Variants in RAB3C observed in about 807,000 individuals in gnomAD.
The protein encoded by RAB3C is RAB3C, member RAS oncogene family, also known as ras-related protein Rab-3C.
RAB3C carries 17 observed loss-of-function variants against 26.4 expected under a neutral mutation model. The observed-to-expected ratio is 0.64, with a 90% CI of 0.44 to 0.97. RAB3C has a LOEUF of 0.97. RAB3C is among the 50% of genes least tolerant of loss of function. The pLI is 0.00. For missense variants in RAB3C, 242 were observed against 281.9 expected, an observed-to-expected ratio of 0.86 and a Z score of 1.01; for synonymous variants, 91 against 95.9, an observed-to-expected ratio of 0.95 and a Z score of 0.30.
chr5:58,693,347 T>TATATATAC (rs1554048076), intron 2 of RAB3C, among the ~76,000 whole-genome samples: 18 of 137,830 alleles, frequency 1.3e-4, no homozygotes, highest in African/African-American at 5.3e-4. Context: ...TATATATATA[T>TATATATAC]ATATATATAT....
intron 2 of RAB3C, among the ~76,000 whole-genome samples, chr5:58,652,671 G>A: frequency 6.8e-6 from 1 of 146,004 alleles, no homozygotes; most frequent in African/African-American, 2.5e-5. Context: ...TATATATTTA[G>A]ATGTTTAGGG....
chr5:58,703,381 C>T (rs60249398), intron 2 of RAB3C, among the ~76,000 whole-genome samples: 3,501 of 152,102 alleles, frequency 0.023, 138 homozygotes, highest in African/African-American at 0.08. Context: ...GGGGTTTCTC[C>T]GTGTTAGTGA....
intron 3 of RAB3C, among the ~76,000 whole-genome samples, chr5:58,765,815 C>G (rs1237238120): frequency 6.6e-6 from 1 of 152,076 alleles, no homozygotes; most frequent in East Asian, 1.9e-4. Context: ...AAATTATAAT[C>G]CCCAGAGTTA....
intron 2 of RAB3C, among the ~76,000 whole-genome samples, chr5:58,651,672 A>C (rs1232097043): frequency 1.3e-5 from 2 of 152,238 alleles, no homozygotes. Flanking sequence ...ATCGTTTAGC[A>C]CCTATTTTGT....
At chr5:58,591,595 T>TAC (rs1746128268) in intron 1 of RAB3C, among the ~76,000 whole-genome samples, 1 of 148,120 alleles carries the variant, frequency 6.8e-6, no homozygotes, top group Non-Finnish European at 1.5e-5. Flanking sequence ...AGTATATATA[T>TAC]ATATATATAT....
chr5:58,636,916 A>C (rs1747301841), intron 2 of RAB3C, among the ~76,000 whole-genome samples: 1 of 152,304 alleles, frequency 6.6e-6, no homozygotes, highest in Non-Finnish European at 1.5e-5. Flanking sequence ...ACATCACATA[A>C]AAAATTTTGG....
rs537693965 is a variant in RAB3C at position 58,694,101 on chromosome 5, C to A, written c.253-31901C>A. Among the ~76,000 whole-genome samples the A allele has an allele frequency of 2.0e-4, 31 of 152,254 alleles. No individual in the cohort carries two copies. The South Asian group carries it at 5.2e-3, about 25-fold the overall frequency. On this transcript the variant is annotated intron_variant, in intron 2 of 4. Transcript: ENST00000282878. ...TCCCCCAGCCCCTCCACCCCCACAA[C>A]AGGCCCTGGTGTGTGATGTTCCCTG...
intron 2 of RAB3C, among the ~76,000 whole-genome samples, chr5:58,713,544 C>T (rs1284107532): frequency 6.6e-6 from 1 of 152,146 alleles, no homozygotes; most frequent in Admixed American, 6.5e-5. Context: ...GAGAAATATT[C>T]TTATTTTAGA....
At chr5:58,639,918 T>A (rs1211935417) in intron 2 of RAB3C, among the ~76,000 whole-genome samples, 1 of 152,212 alleles carries the variant, frequency 6.6e-6, no homozygotes. Flanking sequence ...TACCCTTCCT[T>A]CCCCAGTGAT....
At position 58,858,003 on chromosome 5, in the gene RAB3C, G is replaced by A. The variant is rs1273756233; in HGVS notation, c.*6652G>A. On this transcript the variant is annotated 3_prime_UTR_variant, in exon 5 of 5. Coordinates refer to ENST00000282878, the MANE Select transcript of RAB3C (RefSeq NM_138453.4). Reference sequence around the variant, plus strand: ...TGTACTTTGCCTTTTCATTCAGTTAGTGGAGTAAGTCATGAAACCCTTAGG... The same window carrying A: ...TGTACTTTGCCTTTTCATTCAGTTAATGGAGTAAGTCATGAAACCCTTAGG... 2 of 152,168 alleles carry A rather than the reference G, an allele frequency of 1.3e-5. No homozygotes were observed. The highest frequency in any genetic ancestry group is 2.9e-5 in the Non-Finnish European group (2 of 68,028). The allele number at this position is 152,168 out of a possible 1,614,324, so 9.4% of individuals were successfully genotyped here.
chr5:58,737,854 C>G (rs1396547735), intron 3 of RAB3C, among the ~76,000 whole-genome samples: 1 of 151,904 alleles, frequency 6.6e-6, no homozygotes, highest in Non-Finnish European at 1.5e-5. Flanking sequence ...GACTCTTCTT[C>G]CCAGTAAGGT....
At chr5:58,608,599 ATTAAT>A (rs749175869) in intron 1 of RAB3C, among the ~76,000 whole-genome samples, 1 of 152,234 alleles carries the variant, frequency 6.6e-6, no homozygotes, top group Non-Finnish European at 1.5e-5. Flanking sequence ...GGGAGTGTAA[ATTAAT>A]TTAACCATTG....
chr5:58,617,652 G>A lies in RAB3C; in HGVS notation c.34G>A (p.Ala12Thr). 6.2e-7 allele frequency: 1 copy of A among 1,612,496 alleles called. No homozygotes were observed. Among genetic ancestry groups the A allele is most frequent in the Non-Finnish European group, 8.5e-7 (1 of 1,178,692 alleles). The change falls in exon 2 of 5, where the codon GCC becomes ACC. Residue 12 changes from alanine (A) to threonine (T), a missense_variant. Transcript: ENST00000282878. ...RHEAPMQMAS[A>T]QDARYGQKDS... ...TTTGTTTTTATCACAGATGGCCTCT[G>A]CCCAAGATGCCAGGTACGGCCAGAA...
chr5:58,594,693 A>G (rs1561259044), intron 1 of RAB3C, among the ~76,000 whole-genome samples: 1 of 152,136 alleles, frequency 6.6e-6, no homozygotes, highest in Non-Finnish European at 1.5e-5. Context: ...GAGGCAAGAT[A>G]TCAAGATCTA....
intron 2 of RAB3C, among the ~76,000 whole-genome samples, chr5:58,702,788 C>T (rs1748874204): frequency 6.6e-6 from 1 of 152,084 alleles, no homozygotes; most frequent in African/African-American, 2.4e-5. Context: ...AAAGCTAAAC[C>T]TACCTCTAAA....
At chr5:58,727,214 T>A (rs950399482) in intron 3 of RAB3C, among the ~76,000 whole-genome samples, 3 of 151,928 alleles carry the variant, frequency 2.0e-5, no homozygotes, top group Non-Finnish European at 4.4e-5. Context: ...TAAAAATATT[T>A]CCATTTGCTT....
chr5:58,594,851 C>CTTTTT (rs368470766), intron 1 of RAB3C, among the ~76,000 whole-genome samples: 1 of 133,216 alleles, frequency 7.5e-6, no homozygotes, highest in Non-Finnish European at 1.6e-5. Context: ...AACATGTAGG[C>CTTTTT]TTTTTTTTTT....
chr5:58,677,736 A>G (rs1304988389), intron 2 of RAB3C, among the ~76,000 whole-genome samples: 1 of 152,216 alleles, frequency 6.6e-6, no homozygotes, highest in African/African-American at 2.4e-5. Context: ...GCGGCTATCT[A>G]GAAATTTGAT....
At chr5:58,706,519 T>C (rs1484638213) in intron 2 of RAB3C, among the ~76,000 whole-genome samples, 1 of 152,218 alleles carries the variant, frequency 6.6e-6, no homozygotes, top group Non-Finnish European at 1.5e-5. Flanking sequence ...GAAGTTTTCA[T>C]CTAGGATTAA....
Sources: gnomAD v4.1 joint callset for allele counts (sites outside exome capture counted in the v4.1 genomes callset) on GRCh38, gnomAD v4.1.1 for gene constraint, MANE v1.5 for transcripts, NCBI Gene and HGNC (gene_info 2026-07-23, HGNC 2026-07-21) for gene names.